TIMD4: variants seen among roughly 807,000 people sequenced by gnomAD.
TIMD4 encodes the protein T cell immunoglobulin and mucin domain containing 4, also known as T-cell immunoglobulin and mucin domain-containing protein 4.
TIMD4 carries 31 observed loss-of-function variants against 41.2 expected under a neutral mutation model. The ratio of observed to expected loss-of-function variants is 0.75; its 90% CI spans 0.57 to 1.01. The LOEUF is 1.01. TIMD4 is among the 50% of genes least tolerant of loss of function. The pLI is 0.00. For synonymous variants in TIMD4, 204 were observed against 177.1 expected, an observed-to-expected ratio of 1.15 and a Z score of -1.21; for missense variants, 479 against 472.5, an observed-to-expected ratio of 1.01 and a Z score of -0.13.
chr5:156,944,501 T>C (rs1168932577), intron 5 of TIMD4, among the ~76,000 whole-genome samples: 7 of 131,716 alleles, frequency 5.3e-5, no homozygotes, highest in African/African-American at 1.9e-4. Context: ...TGATCTTTTT[T>C]TTTTTTTTTT....
chr5:156,932,019 T>C lies in TIMD4; in HGVS notation c.845-5707A>G, dbSNP rs1421434789. Among the ~76,000 whole-genome samples the C allele has an allele frequency of 1.4e-5, 2 of 147,284 alleles. 1 individual carries two copies. The highest frequency in any genetic ancestry group is 4.5e-4 in the South Asian group (2 of 4,440). ...CTTTTAAAAGGATATAAAACTACGC[T>C]TAGTATAGGGAATGAGTATGCAAAT... On this transcript the variant is annotated intron_variant, in intron 5 of 8. Transcript: ENST00000274532.
At chr5:156,940,709 C>T (rs1161960702) in intron 5 of TIMD4, among the ~76,000 whole-genome samples, 1 of 152,186 alleles carries the variant, frequency 6.6e-6, no homozygotes, top group Non-Finnish European at 1.5e-5. Flanking sequence ...AGGAGCCCCT[C>T]CGCCCGGCAG....
At chr5:156,960,348 A>G (rs896475366) in intron 1 of TIMD4, among the ~76,000 whole-genome samples, 7 of 151,726 alleles carry the variant, frequency 4.6e-5, no homozygotes, top group East Asian at 1.9e-4. Context: ...AACCCAAAAT[A>G]TAAGTGTGAA....
chr5:156,954,295 T>C (rs1759920199), intron 2 of TIMD4, 120 bp downstream of exon 2: 3 of 979,432 alleles, frequency 3.1e-6, no homozygotes, highest in Non-Finnish European at 2.9e-6. Flanking sequence ...TTATTTCAAA[T>C]TCAATCTTCC....
chr5:156,962,729 A>G (rs1291559641), intron 1 of TIMD4, among the ~76,000 whole-genome samples: 1 of 152,226 alleles, frequency 6.6e-6, no homozygotes, highest in East Asian at 1.9e-4. Context: ...ACCCCAGCAA[A>G]ACAAAACAAA....
intron 4 of TIMD4, 97 bp from the exon 5 acceptor site, chr5:156,948,596 G>GAAAAC (rs1051957282): frequency 2.1e-5 from 14 of 668,700 alleles, no homozygotes; most frequent in Admixed American, 7.9e-5. Flanking sequence ...TTCTGTCATT[G>GAAAAC]AAAACAAAAC....
At chr5:156,946,329 A>T (rs1759739922) in intron 5 of TIMD4, among the ~76,000 whole-genome samples, 1 of 152,084 alleles carries the variant, frequency 6.6e-6, no homozygotes. Context: ...CTCCTAATCC[A>T]GATTTTCTGT....
At chr5:156,940,097 C>T (rs1054016147) in intron 5 of TIMD4, among the ~76,000 whole-genome samples, 1 of 152,254 alleles carries the variant, frequency 6.6e-6, no homozygotes, top group African/African-American at 2.4e-5. Flanking sequence ...CCTGGGATTG[C>T]AGGCGCGTGC....
intron 1 of TIMD4, among the ~76,000 whole-genome samples, chr5:156,962,023 G>A (rs1279448330): frequency 1.3e-5 from 2 of 151,994 alleles, no homozygotes; most frequent in Admixed American, 1.3e-4. Context: ...AGCTAAAAAA[G>A]TTGATCTCAT....
chr5:156,925,477 T>C lies in TIMD4; in HGVS notation c.894+786A>G, dbSNP rs192094355. On this transcript the variant is annotated intron_variant, in intron 6 of 8. Transcript: ENST00000274532. Reference sequence around the variant, plus strand: ...GCAACCAGGACAGGACAACAGACAGTGTCTGAGAGAGAGATGGGGAAGAAG... The same window carrying C: ...GCAACCAGGACAGGACAACAGACAGCGTCTGAGAGAGAGATGGGGAAGAAG... Among the ~76,000 whole-genome samples, 1,039 of 152,278 alleles carry C rather than the reference T, an allele frequency of 6.8e-3. 7 individuals are homozygous for C. The highest frequency in any genetic ancestry group is 0.011 in the Non-Finnish European group (759 of 68,016).
At chr5:156,955,099 T>C (rs1290454602) in intron 1 of TIMD4, among the ~76,000 whole-genome samples, 1 of 152,054 alleles carries the variant, frequency 6.6e-6, no homozygotes, top group Non-Finnish European at 1.5e-5. Context: ...GCTTATGTGG[T>C]TCTTTAGCGT....
intron 3 of TIMD4, among the ~76,000 whole-genome samples, 160 bp downstream of exon 3, chr5:156,951,352 A>C (rs1425759646): frequency 6.6e-6 from 1 of 152,096 alleles, no homozygotes; most frequent in East Asian, 1.9e-4. Context: ...CTGTTGTTTA[A>C]GCTACCCAGT....
At chr5:156,922,250 C>A in intron 6 of TIMD4, 34 bp from the exon 7 acceptor site, 2 of 1,531,254 alleles carry the variant, frequency 1.3e-6, no homozygotes, top group South Asian at 2.2e-5. Context: ...TGGACCCAGT[C>A]ACTGCTAGAT....
rs188479579 is a variant in TIMD4 at position 156,943,240 on chromosome 5, T to C, written c.844+5176A>G. 9.5e-4 allele frequency among the ~76,000 whole-genome samples: 145 copies of C among 152,282 alleles called. 2 individuals carry two copies. The highest frequency in any genetic ancestry group is 2.6e-3 in the African/African-American group (109 of 41,568). ...TGTAAAGAAAAGAAAAAAATAGAAG[T>C]TCTTCCTAATGACTATTATTTACAA... On this transcript the variant is annotated intron_variant, in intron 5 of 8. Coordinates refer to ENST00000274532, the MANE Select transcript of TIMD4 (RefSeq NM_138379.3).
intron 5 of TIMD4, among the ~76,000 whole-genome samples, chr5:156,940,420 G>C (rs576842455): frequency 6.7e-6 from 1 of 148,996 alleles, no homozygotes; most frequent in Non-Finnish European, 1.5e-5. Flanking sequence ...GCCGCCCATC[G>C]TCTGGGATGT....
chr5:156,934,190 A>T (rs1451401931), intron 5 of TIMD4, among the ~76,000 whole-genome samples: 1 of 152,078 alleles, frequency 6.6e-6, no homozygotes, highest in African/African-American at 2.4e-5. Context: ...CTTTGAATAC[A>T]TTTATTGAGC....
chr5:156,948,159 G>C (rs1759778707), intron 5 of TIMD4, among the ~76,000 whole-genome samples: 1 of 152,042 alleles, frequency 6.6e-6, no homozygotes, highest in South Asian at 2.1e-4. Flanking sequence ...AAGACAACCA[G>C]ATAGATGACA....
Position 156,961,808 on chromosome 5 carries a change from CAAAAAAAAAAAA to C in TIMD4, c.58+1321_58+1332del, listed in dbSNP as rs71578911. On this transcript the variant is annotated intron_variant, in intron 1 of 8. Coordinates refer to ENST00000274532, the MANE Select transcript of TIMD4 (RefSeq NM_138379.3). The stretch of plus-strand genomic sequence containing the variant: ...TAGGCAAAAGAGCGAGACTCCGTCT[CAAAAAAAAAAAA>C]AAAAAAAAAAAAAAAAGAAAGAAAA... 3.9e-3 allele frequency among the ~76,000 whole-genome samples: 110 copies of C among 27,988 alleles called. 1 individual carries two copies. Among genetic ancestry groups the C allele is most frequent in the Admixed American group, 8.0e-3 (11 of 1,372 alleles). 18.4% of individuals were successfully genotyped at this position (27,988 alleles called of 152,430 possible).
rs752005622 is a variant in TIMD4, at chr5:156,949,678, CAGA to C, written c.730_732del (p.Ser244del). 2.0e-5 allele frequency: 32 copies of C among 1,613,302 alleles called. No individual in the cohort carries two copies. Among genetic ancestry groups the C allele is most frequent in the Admixed American group, 5.0e-5 (3 of 59,994 alleles). The stretch of plus-strand genomic sequence containing the variant: ...TTGGATGTCAGCAGGACAGTGTCAG[CAGA>C]AGTAGACTCAACACTACTCCAGGAA... On this transcript the variant is annotated inframe_deletion, in exon 4 of 9. Transcript: ENST00000274532.
Sources: allele counts gnomAD v4.1 joint callset (sites outside exome capture counted in the v4.1 genomes callset), GRCh38; gene constraint gnomAD v4.1.1; transcripts MANE v1.5; gene names NCBI Gene and HGNC (gene_info 2026-07-23, HGNC 2026-07-21).